AFAP1: variants seen among roughly 807,000 people sequenced by gnomAD.
AFAP1 encodes actin filament-associated protein 1.
AFAP1 carries 75 observed loss-of-function variants against 93.9 expected under a neutral mutation model. The observed-to-expected ratio is 0.80, with a 90% CI of 0.66 to 0.97. AFAP1 has a LOEUF of 0.97. AFAP1 is among the 50% of genes least tolerant of loss of function. The pLI is 0.00. For synonymous variants in AFAP1, 517 were observed against 430.7 expected (o/e 1.20, Z -2.48); for missense variants, 1,201 against 1,050.8 (o/e 1.14, Z -1.98).
intron 1 of AFAP1, among the ~76,000 whole-genome samples, chr4:7,883,549 A>G (rs566831538): frequency 3.9e-5 from 6 of 152,296 alleles, no homozygotes; most frequent in African/African-American, 1.4e-4. Context: ...AAGCAATAAG[A>G]AAAGAGAAAA....
rs752870279 is a variant in AFAP1, at chr4:7,881,885, G to GC, written c.-2-9806dup. Among the ~76,000 whole-genome samples, 4 of 152,144 alleles carry GC rather than the reference G, an allele frequency of 2.6e-5. No homozygotes were observed. The East Asian group carries it at 5.8e-4, about 22-fold the overall frequency. On this transcript the variant is annotated intron_variant, in intron 1 of 17. Coordinates refer to ENST00000420658, the MANE Select transcript of AFAP1 (RefSeq NM_001134647.2). ...CTAGTTGTGTGACCTTGGGTAAGTA[G>GC]CCCCCCCAAATTATCTCATCCTTAA...
At chr4:7,783,341 T>C (rs1474377207) in intron 12 of AFAP1, among the ~76,000 whole-genome samples, 1 of 152,180 alleles carries the variant, frequency 6.6e-6, no homozygotes, top group East Asian at 1.9e-4. Flanking sequence ...GGTTTCACCA[T>C]GTTGGCCAGG....
chr4:7,810,315 C>T (rs1031824191), intron 8 of AFAP1, among the ~76,000 whole-genome samples: 4 of 152,292 alleles, frequency 2.6e-5, no homozygotes, highest in South Asian at 2.1e-4. Context: ...AGCAGCCGGG[C>T]GGTCAGAGAA....
chr4:7,857,288 T>C (rs1441774741), intron 3 of AFAP1, among the ~76,000 whole-genome samples: 7 of 152,180 alleles, frequency 4.6e-5, no homozygotes, highest in African/African-American at 1.4e-4. Context: ...TCGCTTTCTA[T>C]GTAACTCATC....
intron 14 of AFAP1, 142 bp from the exon 15 acceptor site, chr4:7,775,045 G>C (rs532300778): frequency 2.0e-6 from 2 of 1,001,754 alleles, no homozygotes; most frequent in African/African-American, 3.2e-5. Context: ...GGAAGCTGAG[G>C]TGGGAGAATC....
intron 1 of AFAP1, among the ~76,000 whole-genome samples, chr4:7,876,072 A>G (rs1024743531): frequency 1.3e-5 from 2 of 152,254 alleles, no homozygotes; most frequent in African/African-American, 4.8e-5. Flanking sequence ...TATGCTATGC[A>G]TATTTAATTT....
intron 6 of AFAP1, among the ~76,000 whole-genome samples, chr4:7,834,134 T>TATAC (rs143728621): frequency 0.22 from 21,560 of 97,676 alleles, 2,234 homozygotes; most frequent in African/African-American, 0.39. Context: ...CACACATATA[T>TATAC]ACAATGGAAT....
chr4:7,848,926 C>T (rs1714114754), intron 4 of AFAP1, among the ~76,000 whole-genome samples: 1 of 152,174 alleles, frequency 6.6e-6, no homozygotes, highest in African/African-American at 2.4e-5. Context: ...TGCATAAAAG[C>T]AACGGCAATA....
At chr4:7,912,714 C>T (rs1242692920) in intron 1 of AFAP1, among the ~76,000 whole-genome samples, 4 of 152,106 alleles carry the variant, frequency 2.6e-5, no homozygotes, top group African/African-American at 9.7e-5. Flanking sequence ...TTAGTTTCTC[C>T]CAGTCTGTAG....
At chr4:7,825,786 T>C (rs906351890) in intron 6 of AFAP1, among the ~76,000 whole-genome samples, 1 of 151,822 alleles carries the variant, frequency 6.6e-6, no homozygotes, top group Non-Finnish European at 1.5e-5. Context: ...AAAATTAACA[T>C]AGCCCAGAAA....
intron 1 of AFAP1, among the ~76,000 whole-genome samples, chr4:7,923,473 T>G (rs999413216): frequency 2.6e-5 from 4 of 152,198 alleles, no homozygotes; most frequent in Non-Finnish European, 5.9e-5. Context: ...AGGAGCTCTC[T>G]GCTTTCTCCT....
At position 7,879,963 on chromosome 4, in the gene AFAP1, C is replaced by A. The variant is rs537437420; in HGVS notation, c.-2-7883G>T. ...TCCAGACATGCGCCCCGCCGCCCAG[C>A]CTTTCTGCTTTCTTTCACTCAAGTG... On this transcript the variant is annotated intron_variant, in intron 1 of 17. Coordinates refer to ENST00000420658, the MANE Select transcript of AFAP1 (RefSeq NM_001134647.2). 5.3e-5 allele frequency among the ~76,000 whole-genome samples: 8 copies of A among 152,200 alleles called. No homozygotes were observed. The East Asian group carries it at 5.8e-4, about 11-fold the overall frequency.
chr4:7,917,172 G>A (rs1267571972), intron 1 of AFAP1, among the ~76,000 whole-genome samples: 2 of 152,128 alleles, frequency 1.3e-5, no homozygotes, highest in Admixed American at 6.5e-5. Context: ...CACAGACCCT[G>A]TCACATGGTA....
chr4:7,791,693 A>G (rs920755347), intron 11 of AFAP1, among the ~76,000 whole-genome samples: 3 of 151,878 alleles, frequency 2.0e-5, no homozygotes, highest in Non-Finnish European at 4.4e-5. Flanking sequence ...CTCTACCAAA[A>G]AAAAAAAAAA....
intron 11 of AFAP1, among the ~76,000 whole-genome samples, chr4:7,790,518 T>G (rs1577211036): frequency 6.6e-6 from 1 of 152,218 alleles, no homozygotes; most frequent in Non-Finnish European, 1.5e-5. Context: ...CTGATTATAC[T>G]TGCAATTACA....
At chr4:7,816,497 T>C (rs966558721) in intron 7 of AFAP1, among the ~76,000 whole-genome samples, 5 of 152,228 alleles carry the variant, frequency 3.3e-5, no homozygotes, top group Non-Finnish European at 7.3e-5. Flanking sequence ...CTTCCTGTCA[T>C]TCACCAATAA....
rs901841851 is a variant in AFAP1, at chr4:7,761,348, C to G, written c.*2417G>C. The G allele has an allele frequency of 2.6e-5, 4 of 152,246 alleles. No individual in the cohort carries two copies. Among genetic ancestry groups the G allele is most frequent in the Non-Finnish European group, 5.9e-5 (4 of 68,050 alleles). The allele number at this position is 152,246 out of a possible 1,614,324, so 9.4% of individuals were successfully genotyped here. ...TAACGTTTGCCTCCGCTTTAAAAGG[C>G]TTAGGGTTGTGGATGTGAATTACAA... is the stretch of plus-strand genomic sequence containing the variant. On this transcript the variant is annotated 3_prime_UTR_variant, in exon 18 of 18. Coordinates refer to ENST00000420658, the MANE Select transcript of AFAP1 (RefSeq NM_001134647.2).
At chr4:7,868,589 G>T (rs553571419) in intron 3 of AFAP1, 33 bp downstream of exon 3, 2 of 1,593,622 alleles carry the variant, frequency 1.3e-6, no homozygotes, top group South Asian at 2.2e-5. Flanking sequence ...GGCCTCCAGC[G>T]ATGACCACTG....
chr4:7,837,811 G>C (rs2149104845), intron 6 of AFAP1, among the ~76,000 whole-genome samples: 1 of 152,332 alleles, frequency 6.6e-6, no homozygotes, highest in South Asian at 2.1e-4. Context: ...TTGAGCTCAT[G>C]AGTTTGAGAC....
Sources: allele counts gnomAD v4.1 joint callset (sites outside exome capture counted in the v4.1 genomes callset), GRCh38; gene constraint gnomAD v4.1.1; transcripts MANE v1.5; gene names NCBI Gene and HGNC (gene_info 2026-07-23, HGNC 2026-07-21).